The following PCDH9 variants were observed in gnomAD, a reference collection of about 807,000 sequenced individuals.
PCDH9 encodes the protein protocadherin-9.
In PCDH9, 24 loss-of-function variants were observed where a neutral mutation model predicts 70.6. The observed-to-expected ratio is 0.34, with a 90% CI of 0.25 to 0.48. The LOEUF is 0.48. Ranked by LOEUF, PCDH9 falls within the 20% of genes least tolerant of loss-of-function variation. The pLI, the probability that PCDH9 is intolerant of heterozygous loss-of-function variation, is 0.99. For synonymous variants in PCDH9, 562 were observed against 558.5 expected (o/e 1.01, Z -0.09); for missense variants, 1,281 against 1,503.6 (o/e 0.85, Z 2.45).
chr13:67,130,540 G>A (rs2087087485), intron 2 of PCDH9, among the ~76,000 whole-genome samples: 1 of 151,990 alleles, frequency 6.6e-6, no homozygotes, highest in Admixed American at 6.6e-5. Flanking sequence ...CGGGCCATGA[G>A]AAACACCCTG....
In PCDH9 at chr13:66,302,881, C is replaced by T. The variant is rs879250586; in HGVS notation, c.*1774G>A. 2.0e-5 allele frequency: 3 copies of T among 152,448 alleles called. No individual in the cohort carries two copies. Among genetic ancestry groups the T allele is most frequent in the Admixed American group, 6.6e-5 (1 of 15,224 alleles). 9.4% of individuals were successfully genotyped at this position (152,448 alleles called of 1,614,324 possible). On this transcript the variant is annotated 3_prime_UTR_variant, in exon 5 of 5. Transcript: ENST00000377865. ...GCAAGAGCTGAATAATTGTAAATAA[C>T]GTAGAACTGGCAAAGCAGTAACAAG...
intron 4 of PCDH9, among the ~76,000 whole-genome samples, chr13:66,334,186 C>T (rs1209043149): frequency 3.9e-5 from 6 of 152,044 alleles, no homozygotes; most frequent in African/African-American, 9.7e-5. Flanking sequence ...TCTCTTCATC[C>T]CTCCACCCCA....
chr13:66,305,008 C>T lies in PCDH9; in HGVS notation c.3361G>A (p.Gly1121Arg). ...PNSDGPLGPR[G>R]LAEATEMCTQ... ...CACATCTCTGTAGCTTCAGCTAATC[C>T]TCGGGGACCCAAAGGCCCATCTGCA... The change falls in exon 5 of 5, where the codon GGA becomes AGA. Residue 1121 changes from glycine to arginine, a missense_variant. Coordinates refer to ENST00000377865, the MANE Select transcript of PCDH9 (RefSeq NM_203487.3). The T allele has an allele frequency of 2.5e-6, 4 of 1,610,968 alleles. No individual in the cohort carries two copies. Among genetic ancestry groups the T allele is most frequent in the Non-Finnish European group, 3.4e-6 (4 of 1,178,010 alleles).
Position 67,173,086 on chromosome 13 carries a change from C to T in PCDH9, c.3036+52319G>A, listed in dbSNP as rs58815394. 4.3e-3 allele frequency among the ~76,000 whole-genome samples: 651 copies of T among 151,824 alleles called. 4 individuals are homozygous for T. The highest frequency in any genetic ancestry group is 0.015 in the African/African-American group (619 of 41,366). On this transcript the variant is annotated intron_variant, in intron 2 of 4. Transcript: ENST00000377865. ...CTTACAGCTCCAGAAACTCAAAATA[C>T]CAATTAAAAAAATTTTTCTTTAAGC...
chr13:66,924,597 TCAAA>T (rs1269424937), intron 2 of PCDH9, among the ~76,000 whole-genome samples: 3 of 151,700 alleles, frequency 2.0e-5, no homozygotes, highest in South Asian at 2.1e-4. Flanking sequence ...TAATCAAAAA[TCAAA>T]CAAACATATA....
chr13:66,337,440 A>C (rs1409542637), intron 4 of PCDH9, among the ~76,000 whole-genome samples: 1 of 152,044 alleles, frequency 6.6e-6, no homozygotes, highest in Non-Finnish European at 1.5e-5. Flanking sequence ...TTGGTGATTG[A>C]GGTATGAGAG....
rs141855061 is a variant in PCDH9 at position 66,770,552 on chromosome 13, C to T, written c.3138+132952G>A. Among the ~76,000 whole-genome samples, 63 of 152,290 alleles carry T rather than the reference C, an allele frequency of 4.1e-4. 1 individual carries two copies. The highest frequency in any genetic ancestry group is 1.4e-3 in the African/African-American group (59 of 41,550). ...TTTTAGACAGTTTCAATAGGGGCCT[C>T]CTGCCCTCCAACTTTTTCGGAGGGT... On this transcript the variant is annotated intron_variant, in intron 3 of 4. Coordinates refer to ENST00000377865, the MANE Select transcript of PCDH9 (RefSeq NM_203487.3).
intron 2 of PCDH9, among the ~76,000 whole-genome samples, chr13:66,948,952 A>G (rs1346966804): frequency 6.6e-6 from 1 of 152,150 alleles, no homozygotes; most frequent in Non-Finnish European, 1.5e-5. Context: ...ATAGAAAATT[A>G]CTACGTTAGA....
chr13:67,104,459 G>C (rs953349634), intron 2 of PCDH9, among the ~76,000 whole-genome samples: 1 of 152,112 alleles, frequency 6.6e-6, no homozygotes, highest in Admixed American at 6.5e-5. Flanking sequence ...GTTTCAACGT[G>C]TGGCTATAAA....
At chr13:66,462,336 A>C (rs780608501) in intron 4 of PCDH9, among the ~76,000 whole-genome samples, 18 of 151,942 alleles carry the variant, frequency 1.2e-4, no homozygotes, top group Non-Finnish European at 1.9e-4. Flanking sequence ...TTAAACCTTT[A>C]TGGTTTGAAG....
At chr13:67,173,995 GA>G (rs1196207234) in intron 2 of PCDH9, among the ~76,000 whole-genome samples, 3 of 152,004 alleles carry the variant, frequency 2.0e-5, no homozygotes, top group Non-Finnish European at 4.4e-5. Flanking sequence ...CAATTCATAT[GA>G]TATTAAAGTT....
intron 3 of PCDH9, among the ~76,000 whole-genome samples, chr13:66,864,372 TG>T (rs553399946): frequency 5.3e-5 from 8 of 151,682 alleles, no homozygotes; most frequent in East Asian, 3.9e-4. Flanking sequence ...AAAAGGGGGG[TG>T]GGGGGCGTGA....
At chr13:66,964,971 A>C (rs1480687722) in intron 2 of PCDH9, among the ~76,000 whole-genome samples, 1 of 152,016 alleles carries the variant, frequency 6.6e-6, no homozygotes, top group African/African-American at 2.4e-5. Context: ...TGCATTAAAT[A>C]ATTAGAGTCA....
At chr13:66,621,997 C>T (rs2077427504) in intron 4 of PCDH9, among the ~76,000 whole-genome samples, 1 of 152,250 alleles carries the variant, frequency 6.6e-6, no homozygotes, top group Non-Finnish European at 1.5e-5. Flanking sequence ...TGCGGGCCAG[C>T]TGGAGTTCCG....
In PCDH9 at chr13:66,849,515, T is replaced by TAGAGAG. The variant is rs1315844570; in HGVS notation, c.3138+53988_3138+53989insCTCTCT. On this transcript the variant is annotated intron_variant, in intron 3 of 4. Coordinates refer to ENST00000377865, the MANE Select transcript of PCDH9 (RefSeq NM_203487.3). ...ATATATATATATATATATATATATATATAGAGAGAGAGAGAGAGAGAGAGA... is the reference window on the plus strand; with the variant it reads ...ATATATATATATATATATATATATATAGAGAGATAGAGAGAGAGAGAGAGAGAGAGA... 9.3e-3 allele frequency among the ~76,000 whole-genome samples: 674 copies of TAGAGAG among 72,372 alleles called. 2 individuals carry two copies. Among genetic ancestry groups the TAGAGAG allele is most frequent in the East Asian group, 0.017 (42 of 2,508 alleles). 47.5% of individuals were successfully genotyped at this position (72,372 alleles called of 152,430 possible). A position where few individuals can be genotyped will look rare whatever the true frequency, so the allele number is the denominator to read the frequency against.
At chr13:66,524,141 T>G (rs1005742735) in intron 4 of PCDH9, among the ~76,000 whole-genome samples, 1 of 146,510 alleles carries the variant, frequency 6.8e-6, no homozygotes, top group Non-Finnish European at 1.5e-5. Flanking sequence ...CATACTCTTT[T>G]GTCACAAACA....
At chr13:67,228,723 A>T (rs1480504801) in intron 1 of PCDH9, 148 bp from the exon 2 acceptor site, 3 of 322,838 alleles carry the variant, frequency 9.3e-6, no homozygotes, top group Non-Finnish European at 1.7e-5. Context: ...GGAGAAAAAC[A>T]CTAAATATCT....
intron 2 of PCDH9, chr13:67,209,339 A>C (rs950792654): frequency 6.6e-6 from 1 of 152,150 alleles, no homozygotes; most frequent in Admixed American, 6.6e-5. Context: ...GAACATTTTA[A>C]GGAAGGCATT....
chr13:66,959,943 A>G (rs1456929849), intron 2 of PCDH9, among the ~76,000 whole-genome samples: 2 of 152,102 alleles, frequency 1.3e-5, no homozygotes, highest in African/African-American at 4.8e-5. Flanking sequence ...TTAACTTCCT[A>G]AGAACATTGT....
Sources: allele counts gnomAD v4.1 joint callset (sites outside exome capture counted in the v4.1 genomes callset), GRCh38; gene constraint gnomAD v4.1.1; transcripts MANE v1.5; gene names NCBI Gene and HGNC (gene_info 2026-07-23, HGNC 2026-07-21).